FOXM1: variants seen among roughly 807,000 people sequenced by gnomAD.
FOXM1 encodes the protein forkhead box M1, also known as forkhead box protein M1.
Under a neutral mutation model 63.6 loss-of-function variants are expected in FOXM1, and 25 were observed. That is an observed-to-expected ratio of 0.39 (90% CI 0.29 to 0.55). The LOEUF (loss-of-function observed/expected upper bound fraction) is 0.55. Among genes scored for constraint, FOXM1 ranks in the 20% least tolerant of loss-of-function variants. The probability of loss-of-function intolerance (pLI) is 0.60; values close to 1 mark genes in which losing one functional copy is unlikely to be tolerated. For synonymous variants in FOXM1, 387 were observed against 376.9 expected (o/e 1.03, Z -0.31); for missense variants, 879 against 958.7 (o/e 0.92, Z 1.10).
At chr12:2,866,983 T>C (rs1319711870) in intron 4 of FOXM1, among the ~76,000 whole-genome samples, 1 of 151,938 alleles carries the variant, frequency 6.6e-6, no homozygotes, top group African/African-American at 2.4e-5. Flanking sequence ...TGAAACCCTG[T>C]CTCTATCAAA....
chr12:2,859,399 G>C lies in FOXM1; in HGVS notation c.1531C>G (p.Pro511Ala), dbSNP rs2098103858. The C allele has an allele frequency of 6.2e-7, 1 of 1,614,032 alleles. No homozygotes were observed. Residue 511 changes from proline to alanine, a missense_variant, in exon 9 of 9, where the codon CCA (proline) becomes GCA (alanine). This residue lies in a region of FOXM1 where 486 missense variants were observed against 453.5 expected (regional missense o/e 1.07). Transcript: ENST00000359843. ...SWEDSSQSPT[P>A]RPKKSYSGLR... ...CCACTGTAGGACTTCTTGGGTCTTG[G>C]GGTGGGAGATTGGGACGAATCCTCC...
chr12:2,864,996 C>T lies in FOXM1; in HGVS notation c.1021-244G>A. ...CACTACCGCTTCACCCACGTGTCCT[C>T]AACACCCCTGGGGGATGCCAGAGCA... On this transcript the variant is annotated intron_variant, in intron 6 of 8. Transcript: ENST00000359843. The surrounding 1 kb of genome is among the most constrained non-coding windows in gnomAD (Gnocchi z 5.1). The T allele has an allele frequency of 1.7e-6, 1 of 595,432 alleles. No homozygotes were observed. The highest frequency in any genetic ancestry group is 3.0e-6 in the Non-Finnish European group (1 of 332,508). 36.9% of individuals were successfully genotyped at this position (595,432 alleles called of 1,614,324 possible).
Position 2,874,929 on chromosome 12 carries a change from G to A in FOXM1, c.-47-404C>T, listed in dbSNP as rs1373199649. ...AGATGCTAGAATAGGAAAGCATATG[G>A]TAATTAGGAGTCCTGATGAAACTCT... On this transcript the variant is annotated intron_variant, in intron 1 of 8. Transcript: ENST00000359843. This position sits in a 1 kb window ranked among gnomAD's most constrained non-coding sequence, Gnocchi z 4.3. Among the ~76,000 whole-genome samples, 1 of 151,858 alleles carries A rather than the reference G, an allele frequency of 6.6e-6. No homozygotes were observed. Among genetic ancestry groups the A allele is most frequent in the Non-Finnish European group, 1.5e-5 (1 of 68,000 alleles).
Position 2,877,070 on chromosome 12 carries a change from G to A in FOXM1, c.-198C>T, listed in dbSNP as rs904897645. 1.1e-4 allele frequency: 17 copies of A among 152,130 alleles called. No homozygotes were observed. The highest frequency in any genetic ancestry group is 3.2e-3 in the Middle Eastern group (1 of 314). The allele number at this position is 152,130 out of a possible 1,614,324, so 9.4% of individuals were successfully genotyped here. A position where few individuals can be genotyped will look rare whatever the true frequency, so the allele number is the denominator to read the frequency against. ...GGTGCGGGCGGGGTGGGAACCCCGG[G>A]GGATCCCGGGAGGGGAGGGGGTCCC... On this transcript the variant is annotated 5_prime_UTR_variant, in exon 1 of 9. Coordinates refer to ENST00000359843, the MANE Select transcript of FOXM1 (RefSeq NM_021953.4).
intron 3 of FOXM1, among the ~76,000 whole-genome samples, chr12:2,871,768 T>A (rs959290157): frequency 6.6e-6 from 1 of 152,208 alleles, no homozygotes; most frequent in Non-Finnish European, 1.5e-5. Context: ...GTTCATACTG[T>A]TGGGAAGCAT....
In FOXM1 at chr12:2,864,221, TA is replaced by T; in HGVS notation, c.1266+98del. The stretch of plus-strand genomic sequence containing the variant: ...TGCCTTTTCTACCCAACTAGATTTA[TA>T]AGCTCTCAAGGAACACTTATCAGAG... On this transcript the variant is annotated intron_variant, in intron 8 of 8. Transcript: ENST00000359843. This position sits in a 1 kb window ranked among gnomAD's most constrained non-coding sequence, Gnocchi z 5.1. 2 of 1,076,396 alleles carry T rather than the reference TA, an allele frequency of 1.9e-6. No individual in the cohort carries two copies. Among genetic ancestry groups the T allele is most frequent in the Non-Finnish European group, 2.7e-6 (2 of 740,220 alleles). 66.7% of individuals were successfully genotyped at this position (1,076,396 alleles called of 1,614,324 possible).
chr12:2,864,379 C>T lies in FOXM1; in HGVS notation c.1207G>A (p.Ala403Thr). The change falls in exon 8 of 9, where the codon GCT becomes ACT. Residue 403 changes from alanine to threonine, a missense_variant. Coordinates refer to ENST00000359843, the MANE Select transcript of FOXM1 (RefSeq NM_021953.4). The surrounding 1 kb of genome is among the most constrained non-coding windows in gnomAD (Gnocchi z 5.1). ...PSVKVPLPLA[A>T]SLMSSELARH... ...GCAAGCTCTGAGCTCATGAGGGAAG[C>T]CGCCAGGGGCAATGGCACCTTCACC... is the stretch of plus-strand genomic sequence containing the variant. 3 of 1,614,072 alleles carry T rather than the reference C, an allele frequency of 1.9e-6. No homozygotes were observed. The highest frequency in any genetic ancestry group is 2.5e-6 in the Non-Finnish European group (3 of 1,179,996).
chr12:2,858,869 G>A lies in FOXM1; in HGVS notation c.2061C>T (p.Val687=), dbSNP rs764047099. 3.1e-6 allele frequency: 5 copies of A among 1,614,168 alleles called. No individual in the cohort carries two copies. Among genetic ancestry groups the A allele is most frequent in the Middle Eastern group, 3.3e-4 (2 of 6,062 alleles). The change falls in exon 9 of 9, where the codon GTC becomes GTT. Residue 687 remains valine, a synonymous_variant. Transcript: ENST00000359843. ...CTGAGGGAGAAGAGTTGCCAAAGGG[G>A]ACGGAGATGAGGTCTAAGGGTTCTG... ...LSSEPLDLIS[V]PFGNSSPSDI...
At chr12:2,861,420 A>T (rs1014945722) in intron 8 of FOXM1, 1 of 595,136 alleles carries the variant, frequency 1.7e-6, no homozygotes. Context: ...AACCTATGGA[A>T]ATAAAAAATT....
chr12:2,866,626 G>A lies in FOXM1; in HGVS notation c.847-105C>T. 3 of 1,250,718 alleles carry A rather than the reference G, an allele frequency of 2.4e-6. No homozygotes were observed. The East Asian group carries it at 8.5e-5, about 35-fold the overall frequency. The allele number at this position is 1,250,718 out of a possible 1,614,324, so 77.5% of individuals were successfully genotyped here. ...CCTCAGGCCCCTCCCACTGTGCTCA[G>A]CACAGGCTTCGTCTGGTGTCTTTGC... is the stretch of plus-strand genomic sequence containing the variant. On this transcript the variant is annotated intron_variant, in intron 4 of 8. Transcript: ENST00000359843.
chr12:2,868,810 C>G (rs2098128097), intron 3 of FOXM1, 56 bp from the exon 4 acceptor site: 5 of 1,433,962 alleles, frequency 3.5e-6, no homozygotes, highest in Non-Finnish European at 4.8e-6. Context: ...GCACCCCCAA[C>G]CCAAGCCCTT....
In FOXM1 at chr12:2,864,904, C is replaced by T. The variant is rs1276919559; in HGVS notation, c.1021-152G>A. 10 of 768,322 alleles carry T rather than the reference C, an allele frequency of 1.3e-5. No homozygotes were observed. The highest frequency in any genetic ancestry group is 4.2e-5 in the Admixed American group (2 of 48,142). 47.6% of individuals were successfully genotyped at this position (768,322 alleles called of 1,614,324 possible). On this transcript the variant is annotated intron_variant, in intron 6 of 8. Coordinates refer to ENST00000359843, the MANE Select transcript of FOXM1 (RefSeq NM_021953.4). This position sits in a 1 kb window ranked among gnomAD's most constrained non-coding sequence, Gnocchi z 5.1. ...GCCAACCTGAGGGGATGGACGTAGG[C>T]GAGCAGTCTCCAAAACTGTGATGAG...
In FOXM1 at chr12:2,864,912, C is replaced by A; in HGVS notation, c.1021-160G>T. 1.4e-6 allele frequency: 1 copy of A among 728,840 alleles called. No individual in the cohort carries two copies. The allele number at this position is 728,840 out of a possible 1,614,324, so 45.1% of individuals were successfully genotyped here. A position where few individuals can be genotyped will look rare whatever the true frequency, so the allele number is the denominator to read the frequency against. ...GAGGGGATGGACGTAGGCGAGCAGT[C>A]TCCAAAACTGTGATGAGTGGGCAGG... On this transcript the variant is annotated intron_variant, in intron 6 of 8. Coordinates refer to ENST00000359843, the MANE Select transcript of FOXM1 (RefSeq NM_021953.4). This position sits in a 1 kb window ranked among gnomAD's most constrained non-coding sequence, Gnocchi z 5.1.
At chr12:2,861,345 C>T (rs1163548560) in intron 8 of FOXM1, 2 of 741,250 alleles carry the variant, frequency 2.7e-6, no homozygotes, top group South Asian at 1.5e-5. Context: ...GATGGGTGTA[C>T]CAAAATCTCG....
chr12:2,874,412 C>T lies in FOXM1; in HGVS notation c.67G>A (p.Ala23Thr). Reference protein sequence around the residue: ...RRRLPLPVQNAPSETSEEEPK... With the variant: ...RRRLPLPVQNTPSETSEEEPK... ...TCCTCCTCTGATGTTTCACTTGGGG[C>T]ATTTTGAACAGGAAGGGGCAGCCTC... is the stretch of plus-strand genomic sequence containing the variant. The change falls in exon 2 of 9, where the codon GCC (alanine) becomes ACC (threonine). Residue 23 changes from alanine (A) to threonine (T), a missense_variant. Around this residue, in one of 4 missense-constraint regions of FOXM1, gnomAD observed 255 missense variants for 292.4 expected, o/e 0.87. Coordinates refer to ENST00000359843, the MANE Select transcript of FOXM1 (RefSeq NM_021953.4). The surrounding 1 kb of genome is among the most constrained non-coding windows in gnomAD (Gnocchi z 4.3). 1.2e-6 allele frequency: 2 copies of T among 1,614,038 alleles called. No homozygotes were observed. Among genetic ancestry groups the T allele is most frequent in the Non-Finnish European group, 1.7e-6 (2 of 1,180,012 alleles).
intron 5 of FOXM1, 111 bp from the exon 6 acceptor site, chr12:2,865,510 C>A: frequency 1.2e-6 from 1 of 800,678 alleles, no homozygotes. Flanking sequence ...CAAAAGACAC[C>A]CCAGACAACT....
At chr12:2,861,214 T>G in intron 8 of FOXM1, 2 of 618,314 alleles carry the variant, frequency 3.2e-6, no homozygotes, top group Non-Finnish European at 5.7e-6. Flanking sequence ...AAAACCTATA[T>G]AAAAATGGGC....
intron 3 of FOXM1, among the ~76,000 whole-genome samples, chr12:2,871,584 C>T (rs917623113): frequency 5.9e-5 from 9 of 151,398 alleles, no homozygotes; most frequent in Admixed American, 2.0e-4. Flanking sequence ...CCCTGGAGGT[C>T]GAGGCTGCAG....
rs764705130 is a variant in FOXM1, at chr12:2,858,927, G to A, written c.2003C>T (p.Pro668Leu). The change falls in exon 9 of 9, where the codon CCC (proline) becomes CTC (leucine). Residue 668 changes from proline to leucine, a missense_variant. This residue lies in a region of FOXM1 where 486 missense variants were observed against 453.5 expected (regional missense o/e 1.07). Coordinates refer to ENST00000359843, the MANE Select transcript of FOXM1 (RefSeq NM_021953.4). ...DLSTTPLQSA[P>L]PLESPQRLLS... The stretch of plus-strand genomic sequence containing the variant: ...GAGCCTTTGCGGTGATTCAAGGGGG[G>A]GAGCACTTTGCAAGGGAGTGGTGCT... The A allele has an allele frequency of 3.1e-6, 5 of 1,613,658 alleles. No homozygotes were observed. In the African/African-American group the frequency reaches 6.7e-5, roughly 22 times the overall value.
Sources: allele counts gnomAD v4.1 joint callset (sites outside exome capture counted in the v4.1 genomes callset), GRCh38; gene constraint gnomAD v4.1.1; regional missense constraint gnomAD v4.1.1; non-coding constraint Gnocchi (gnomAD v3.1); transcripts MANE v1.5; gene names NCBI Gene and HGNC (gene_info 2026-07-23, HGNC 2026-07-21).